MANBA: variants seen among roughly 807,000 people sequenced by gnomAD.
MANBA encodes mannosidase beta.
MANBA carries 83 observed loss-of-function variants against 111.1 expected under a neutral mutation model. The observed-to-expected ratio is 0.75, with a 90% CI of 0.63 to 0.90. The LOEUF is 0.90. Ranked by LOEUF, MANBA falls within the 40% of genes least tolerant of loss-of-function variation. The probability of loss-of-function intolerance (pLI) is 0.00; values close to 1 mark genes in which losing one functional copy is unlikely to be tolerated. For missense variants in MANBA, 1,036 were observed against 1,069.0 expected, an observed-to-expected ratio of 0.97 and a Z score of 0.43; for synonymous variants, 370 against 378.7, an observed-to-expected ratio of 0.98 and a Z score of 0.27.
chr4:102,730,569 G>C, intron 1 of MANBA: 1 of 537,420 alleles, frequency 1.9e-6, no homozygotes, highest in South Asian at 1.4e-5. Context: ...AATTTAGTGC[G>C]TCATTGATGT....
chr4:102,722,980 G>C lies in MANBA; in HGVS notation c.440C>G (p.Ala147Gly). ...VNSIELRFQS[A>G]VLYAAQQSKA... ...GCTCTGCTGTGCTGCATACAACACC[G>C]CTGACTGGAAACGCAGCTCAATGGA... is the stretch of plus-strand genomic sequence containing the variant. Residue 147 changes from alanine to glycine, a missense_variant, in exon 4 of 17, where the codon GCG becomes GGG. Physicochemically the swap from Ala to Gly is moderately conservative, Grantham distance 60. Coordinates refer to ENST00000647097, the MANE Select transcript of MANBA (RefSeq NM_005908.4). 1 of 1,614,038 alleles carries C rather than the reference G, an allele frequency of 6.2e-7. No homozygotes were observed. The highest frequency in any genetic ancestry group is 8.5e-7 in the Non-Finnish European group (1 of 1,179,908).
chr4:102,671,091 T>G, intron 9 of MANBA, 190 bp downstream of exon 9: 1 of 510,476 alleles, frequency 2.0e-6, no homozygotes, highest in East Asian at 3.5e-5. Context: ...TATCTATCAT[T>G]TAAAAATAAA....
chr4:102,689,788 T>C (rs1732395138), intron 6 of MANBA, 104 bp from the exon 7 acceptor site: 4 of 734,002 alleles, frequency 5.4e-6, no homozygotes, highest in East Asian at 2.6e-5. Context: ...AAACTCTAGG[T>C]TCTAAAACAA....
At position 102,675,164 on chromosome 4, in the gene MANBA, G is replaced by T. The variant is rs140060299; in HGVS notation, c.961-1094C>A. Among the ~76,000 whole-genome samples, 302 of 152,320 alleles carry T rather than the reference G, an allele frequency of 2.0e-3. 3 individuals are homozygous for T. Among genetic ancestry groups the T allele is most frequent in the African/African-American group, 6.9e-3 (286 of 41,570 alleles). On this transcript the variant is annotated intron_variant, in intron 7 of 16. Coordinates refer to ENST00000647097, the MANE Select transcript of MANBA (RefSeq NM_005908.4). ...GGTTCCAATATCTAGAACAGTGCAT[G>T]GTTCTTTAAGTGTGGCCTGGGGACT... is the stretch of plus-strand genomic sequence containing the variant.
chr4:102,680,990 A>G (rs1189532132), intron 7 of MANBA, among the ~76,000 whole-genome samples: 1 of 152,206 alleles, frequency 6.6e-6, no homozygotes, highest in Non-Finnish European at 1.5e-5. Flanking sequence ...ATCTCTGTTT[A>G]AAGTATCCAG....
intron 5 of MANBA, among the ~76,000 whole-genome samples, chr4:102,695,818 C>A (rs11728959): frequency 6.6e-6 from 1 of 152,290 alleles, no homozygotes; most frequent in Non-Finnish European, 1.5e-5. Context: ...AGCAAAGGTA[C>A]TTTTTGCCTT....
At chr4:102,756,579 G>T (rs1420736525) in intron 1 of MANBA, among the ~76,000 whole-genome samples, 1 of 151,754 alleles carries the variant, frequency 6.6e-6, no homozygotes, top group African/African-American at 2.4e-5. Flanking sequence ...GTATACATAT[G>T]TAACAAACCT....
In MANBA at chr4:102,674,051, T is replaced by C. The variant is rs1433841729; in HGVS notation, c.980A>G (p.Glu327Gly). ...KSAKVYFRTV[E>G]LIEEPIKGSP... ...CCCTTTTATAGGCTCTTCTATAAGTTCCACTGTCCTAAAATAAACCTGCAA... is the reference window on the plus strand; with the variant it reads ...CCCTTTTATAGGCTCTTCTATAAGTCCCACTGTCCTAAAATAAACCTGCAA... Residue 327 changes from glutamate to glycine, a missense_variant, in exon 8 of 17, where the codon GAA (glutamate) becomes GGA (glycine). Glu to Gly is a moderately conservative substitution (Grantham distance 98). Transcript: ENST00000647097. 2 of 1,599,778 alleles carry C rather than the reference T, an allele frequency of 1.3e-6. No individual in the cohort carries two copies. Among genetic ancestry groups the C allele is most frequent in the South Asian group, 2.2e-5 (2 of 90,742 alleles).
rs1352071773 is a variant in MANBA, at chr4:102,631,203, GTAGT to G, written c.*850_*853del. On this transcript the variant is annotated 3_prime_UTR_variant, in exon 17 of 17. Coordinates refer to ENST00000647097, the MANE Select transcript of MANBA (RefSeq NM_005908.4). Reference sequence around the variant, plus strand: ...GATACTGAAGAAGACTGGATTGTCTGTAGTTACTTTTAGAGTCACTGAACATAAT... The same window carrying G: ...GATACTGAAGAAGACTGGATTGTCTGTACTTTTAGAGTCACTGAACATAAT... The G allele has an allele frequency of 4.0e-5, 6 of 151,616 alleles. No homozygotes were observed. The highest frequency in any genetic ancestry group is 1.5e-4 in the African/African-American group (6 of 41,190). 9.4% of individuals were successfully genotyped at this position (151,616 alleles called of 1,614,324 possible). A position where few individuals can be genotyped will look rare whatever the true frequency, so the allele number is the denominator to read the frequency against.
chr4:102,641,887 A>G (rs1402917426), intron 13 of MANBA, among the ~76,000 whole-genome samples: 1 of 151,352 alleles, frequency 6.6e-6, no homozygotes, highest in Admixed American at 6.6e-5. Flanking sequence ...AAAGAGCACA[A>G]AGTGGCTCTA....
chr4:102,726,508 AC>A, intron 2 of MANBA, 80 bp downstream of exon 2: 1 of 809,540 alleles, frequency 1.2e-6, no homozygotes, highest in Non-Finnish European at 2.1e-6. Context: ...AAAAAAACAA[AC>A]AAAACACAAC....
At chr4:102,759,886 A>T (rs1318087680) in intron 1 of MANBA, among the ~76,000 whole-genome samples, 1 of 152,182 alleles carries the variant, frequency 6.6e-6, no homozygotes, top group Admixed American at 6.5e-5. Context: ...TGTTATGAGG[A>T]TTGGACAATG....
intron 2 of MANBA, 104 bp from the exon 3 acceptor site, chr4:102,724,071 A>AAT: frequency 2.8e-6 from 2 of 704,446 alleles, no homozygotes; most frequent in Non-Finnish European, 5.0e-6. Flanking sequence ...TTCCACAAAA[A>AAT]ATATATGTTC....
intron 8 of MANBA, among the ~76,000 whole-genome samples, chr4:102,673,375 G>A (rs960404237): frequency 1.3e-5 from 2 of 152,008 alleles, no homozygotes; most frequent in Non-Finnish European, 2.9e-5. Context: ...GGCGGTAGTG[G>A]CCTGCACCTG....
chr4:102,719,841 T>C (rs1198879931), intron 4 of MANBA, among the ~76,000 whole-genome samples: 1 of 152,232 alleles, frequency 6.6e-6, no homozygotes. Context: ...CACTGGACCA[T>C]GTCAATCTAG....
chr4:102,690,881 C>T (rs1385743572), intron 5 of MANBA, 110 bp from the exon 6 acceptor site: 3 of 347,304 alleles, frequency 8.6e-6, no homozygotes, highest in Non-Finnish European at 1.4e-5. Flanking sequence ...GCTTCAAACC[C>T]AGTATGTGCT....
intron 9 of MANBA, among the ~76,000 whole-genome samples, chr4:102,669,620 G>A (rs1053297578): frequency 4.6e-5 from 7 of 151,912 alleles, no homozygotes; most frequent in Admixed American, 1.3e-4. Flanking sequence ...GAGGCGGGGC[G>A]TATCACCTGA....
intron 7 of MANBA, among the ~76,000 whole-genome samples, chr4:102,677,240 T>C (rs1234999914): frequency 1.3e-5 from 2 of 152,196 alleles, no homozygotes; most frequent in Non-Finnish European, 2.9e-5. Context: ...GAGCCTATCA[T>C]TTCAAGAAAA....
chr4:102,675,250 C>G lies in MANBA; in HGVS notation c.961-1180G>C, dbSNP rs186208849. On this transcript the variant is annotated intron_variant, in intron 7 of 16. Coordinates refer to ENST00000647097, the MANE Select transcript of MANBA (RefSeq NM_005908.4). ...GACTTTACTTAGAGTAAAACTAAAACATTATTTGCCTTTATCTCTCTCAGT... is the reference window on the plus strand; with the variant it reads ...GACTTTACTTAGAGTAAAACTAAAAGATTATTTGCCTTTATCTCTCTCAGT... 2.2e-3 allele frequency among the ~76,000 whole-genome samples: 332 copies of G among 152,290 alleles called. 1 individual carries two copies. The highest frequency in any genetic ancestry group is 7.7e-3 in the African/African-American group (321 of 41,550).
Sources: gnomAD v4.1 joint callset for allele counts (sites outside exome capture counted in the v4.1 genomes callset) on GRCh38, gnomAD v4.1.1 for gene constraint, MANE v1.5 for transcripts, NCBI Gene and HGNC (gene_info 2026-07-23, HGNC 2026-07-21) for gene names.